The following USP31 variants were observed in gnomAD, a reference collection of about 807,000 sequenced individuals.
The protein encoded by USP31 is ubiquitin specific peptidase 31, also known as ubiquitin carboxyl-terminal hydrolase 31.
Under a neutral mutation model 119.4 loss-of-function variants are expected in USP31, and 44 were observed. The ratio of observed to expected loss-of-function variants is 0.37; its 90% confidence interval spans 0.29 to 0.47. The LOEUF is 0.47. Ranked by LOEUF, USP31 falls within the 20% of genes least tolerant of loss-of-function variation. The probability of loss-of-function intolerance (pLI) is 0.99; values close to 1 mark genes in which losing one functional copy is unlikely to be tolerated. For synonymous variants in USP31, 749 were observed against 705.6 expected (o/e 1.06, Z -0.97); for missense variants, 1,643 against 1,730.2 (o/e 0.95, Z 0.89).
rs547334172 is a variant in USP31, at chr16:23,062,561, G to C, written c.*5485C>G. 6.6e-6 allele frequency: 1 copy of C among 152,538 alleles called. No individual in the cohort carries two copies. Among genetic ancestry groups the C allele is most frequent in the Non-Finnish European group, 1.5e-5 (1 of 68,002 alleles). 9.4% of individuals were successfully genotyped at this position (152,538 alleles called of 1,614,324 possible). On this transcript the variant is annotated 3_prime_UTR_variant, in exon 16 of 16. Coordinates refer to ENST00000219689, the MANE Select transcript of USP31 (RefSeq NM_020718.4). ...AAGGCAATAATTCTATCAAAAGCAGGGACAGGCTTTCCAAGGCTAGGAAGG... is the reference window on the plus strand; with the variant it reads ...AAGGCAATAATTCTATCAAAAGCAGCGACAGGCTTTCCAAGGCTAGGAAGG...
chr16:23,090,528 TA>T lies in USP31; in HGVS notation c.1415+95del, dbSNP rs564374001. On this transcript the variant is annotated intron_variant, in intron 7 of 15. Transcript: ENST00000219689. ...AATATCAGAATCAAAAATTAACTACTAAAAGTAAGAACTTTTTGCCCATGCT... is the reference window on the plus strand; with the variant it reads ...AATATCAGAATCAAAAATTAACTACTAAAGTAAGAACTTTTTGCCCATGCT... 6.4e-4 allele frequency: 822 copies of T among 1,274,594 alleles called. 4 individuals are homozygous for T. The Middle Eastern group carries it at 7.6e-3, about 12-fold the overall frequency. The allele number at this position is 1,274,594 out of a possible 1,614,324, so 79.0% of individuals were successfully genotyped here. A position where few individuals can be genotyped will look rare whatever the true frequency, so the allele number is the denominator to read the frequency against.
In USP31 at chr16:23,149,408, G is replaced by A. The variant is rs1903656739; in HGVS notation, c.-138C>T. On this transcript the variant is annotated 5_prime_UTR_variant, in exon 1 of 16. Coordinates refer to ENST00000219689, the MANE Select transcript of USP31 (RefSeq NM_020718.4). ...CCCACACACCTCAAAGCGCAGCCGA[G>A]CCAGCGAGCGAGCGGCGGCCGGCGG... 1.0e-6 allele frequency: 1 copy of A among 962,640 alleles called. No individual in the cohort carries two copies. The highest frequency in any genetic ancestry group is 1.2e-6 in the Non-Finnish European group (1 of 810,778). The allele number at this position is 962,640 out of a possible 1,614,324, so 59.6% of individuals were successfully genotyped here.
chr16:23,106,652 G>C (rs1285987485), intron 2 of USP31, among the ~76,000 whole-genome samples, 165 bp from the exon 3 acceptor site: 2 of 152,180 alleles, frequency 1.3e-5, no homozygotes, highest in African/African-American at 4.8e-5. Context: ...CACAGCAGTA[G>C]GATGTGGGTC....
In USP31 at chr16:23,072,133, G is replaced by A. The variant is rs369247760; in HGVS notation, c.2400C>T (p.Ser800=). The A allele has an allele frequency of 4.3e-6, 7 of 1,612,550 alleles. No homozygotes were observed. Among genetic ancestry groups the A allele is most frequent in the Admixed American group, 1.7e-5 (1 of 60,004 alleles). The change falls in exon 15 of 16, where the codon AGC becomes AGT. Residue 800 remains serine, a synonymous_variant. Transcript: ENST00000219689. The part of the protein sequence containing the change: ...VSRLPGSKPA[S]VTSAASSRRT... ...GTCTGGAGGAAGCTGCAGAGGTCACGCTGGCTGGCTTGCTGCCCGGGAGCC... is the reference window on the plus strand; with the variant it reads ...GTCTGGAGGAAGCTGCAGAGGTCACACTGGCTGGCTTGCTGCCCGGGAGCC...
At chr16:23,099,302 TAAA>T (rs1218820283) in intron 6 of USP31, among the ~76,000 whole-genome samples, 5 of 152,108 alleles carry the variant, frequency 3.3e-5, no homozygotes, top group Non-Finnish European at 5.9e-5. Flanking sequence ...TGGCAATCAT[TAAA>T]AAGTCAGGAA....
chr16:23,138,512 T>C (rs1903259348), intron 1 of USP31, among the ~76,000 whole-genome samples: 1 of 152,256 alleles, frequency 6.6e-6, no homozygotes. Context: ...AAGACAATCA[T>C]ACCACAAGCT....
intron 1 of USP31, among the ~76,000 whole-genome samples, chr16:23,111,433 T>C (rs1469982260): frequency 1.3e-5 from 2 of 151,960 alleles, no homozygotes; most frequent in Non-Finnish European, 2.9e-5. Flanking sequence ...AGACAGAAAA[T>C]AAAAAAGGAG....
At chr16:23,097,398 T>C (rs1424990954) in intron 6 of USP31, among the ~76,000 whole-genome samples, 1 of 150,306 alleles carries the variant, frequency 6.7e-6, no homozygotes, top group African/African-American at 2.4e-5. Context: ...CACAGCCAAA[T>C]TCTAGGAGCT....
intron 1 of USP31, among the ~76,000 whole-genome samples, chr16:23,110,525 T>G (rs1261577699): frequency 6.6e-6 from 1 of 151,468 alleles, no homozygotes; most frequent in Non-Finnish European, 1.5e-5. Flanking sequence ...TTAGGCAGAG[T>G]AGGAGGAGAT....
chr16:23,087,158 C>T lies in USP31; in HGVS notation c.1556G>A (p.Ser519Asn), dbSNP rs139649984. The T allele has an allele frequency of 6.2e-7, 1 of 1,613,818 alleles. No homozygotes were observed. Among genetic ancestry groups the T allele is most frequent in the Non-Finnish European group, 8.5e-7 (1 of 1,179,886 alleles). ...CAGCAAATATGTTATTCCAACAACA[C>T]TGACCACACGCAAGCTGAATGGACA... ...QVCPFSLRVVSVVGITYLLPQ... is the reference protein window; with the variant it reads ...QVCPFSLRVVNVVGITYLLPQ... The change falls in exon 9 of 16, where the codon AGT becomes AAT. Residue 519 changes from serine to asparagine, a missense_variant. Transcript: ENST00000219689.
chr16:23,082,606 G>C (rs1409137145), intron 11 of USP31, 49 bp from the exon 12 acceptor site: 2 of 1,610,972 alleles, frequency 1.2e-6, no homozygotes, highest in East Asian at 4.5e-5. Context: ...ATGCAAGACT[G>C]TGTTACAGCT....
rs149897851 is a variant in USP31, at chr16:23,093,399, A to G, written c.1235-2595T>C. ...TTGAATAGACATTTCTCCAAAGAGA[A>G]TATATAAATGGCCAAACAAGCACAT... is the stretch of plus-strand genomic sequence containing the variant. On this transcript the variant is annotated intron_variant, in intron 6 of 15. Transcript: ENST00000219689. Among the ~76,000 whole-genome samples, 22 of 152,346 alleles carry G rather than the reference A, an allele frequency of 1.4e-4. 1 individual carries two copies. The East Asian group carries it at 4.1e-3, about 28-fold the overall frequency.
intron 1 of USP31, among the ~76,000 whole-genome samples, chr16:23,130,420 C>CA (rs2141895392): frequency 6.8e-6 from 1 of 147,818 alleles, no homozygotes; most frequent in South Asian, 2.2e-4. Context: ...ACCCCCCCCC[C>CA]AACTAATATT....
At chr16:23,093,205 C>T (rs141143991) in intron 6 of USP31, among the ~76,000 whole-genome samples, 4 of 152,068 alleles carry the variant, frequency 2.6e-5, no homozygotes, top group East Asian at 1.9e-4. Flanking sequence ...AACTTTTGTA[C>T]GTCAAAGAAC....
rs34408168 is a variant in USP31 at position 23,062,381 on chromosome 16, TAA to T, written c.*5663_*5664del. ...AATAGCAATAAGGGTTTTTTTTTTT[TAA>T]AAAAAAGACACCAAAGAAAATGTTT... is the stretch of plus-strand genomic sequence containing the variant. On this transcript the variant is annotated 3_prime_UTR_variant, in exon 16 of 16. Coordinates refer to ENST00000219689, the MANE Select transcript of USP31 (RefSeq NM_020718.4). 0.13 allele frequency: 18,346 copies of T among 143,972 alleles called. 1,220 individuals are homozygous for T. Among genetic ancestry groups the T allele is most frequent in the Middle Eastern group, 0.14 (40 of 276 alleles). 8.9% of individuals were successfully genotyped at this position (143,972 alleles called of 1,614,324 possible).
At chr16:23,098,747 G>T (rs1054544728) in intron 6 of USP31, among the ~76,000 whole-genome samples, 18 of 152,184 alleles carry the variant, frequency 1.2e-4, no homozygotes, top group African/African-American at 4.1e-4. Context: ...AATAAATGGT[G>T]CTGGGAAAAC....
Position 23,087,126 on chromosome 16 carries a change from C to G in USP31, c.1588G>C (p.Glu530Gln), listed in dbSNP as rs1396231038. The change falls in exon 9 of 16, where the codon GAG becomes CAG. Residue 530 changes from glutamate (E) to glutamine (Q), a missense_variant. Physicochemically the swap from Glu to Gln is conservative, Grantham distance 29. Transcript: ENST00000219689. ...ATTGGGTGGCACAAGGGCTGCTCCT[C>G]CTGGGGCAGCAAATATGTTATTCCA... ...VVGITYLLPQ[E>Q]EQPLCHPIVE... The G allele has an allele frequency of 6.2e-7, 1 of 1,613,768 alleles. No homozygotes were observed. The highest frequency in any genetic ancestry group is 1.1e-5 in the South Asian group (1 of 91,006).
At chr16:23,088,006 A>G (rs1901185620) in intron 7 of USP31, among the ~76,000 whole-genome samples, 171 bp from the exon 8 acceptor site, 1 of 152,250 alleles carries the variant, frequency 6.6e-6, no homozygotes, top group African/African-American at 2.4e-5. Flanking sequence ...GGAGATGAAC[A>G]GCTTGGATTT....
In USP31 at chr16:23,072,201, C is replaced by A; in HGVS notation, c.2336-4G>T. The A allele has an allele frequency of 6.2e-7, 1 of 1,604,422 alleles. No homozygotes were observed. On this transcript the variant is annotated splice_region_variant and splice_polypyrimidine_tract_variant and intron_variant, in intron 14 of 15. Coordinates refer to ENST00000219689, the MANE Select transcript of USP31 (RefSeq NM_020718.4). ...CACAGGGAAGAACTTGTGGAGCCTG[C>A]AGAGAAGAAAACAGGCATAGAGGTC...
Sources: allele counts gnomAD v4.1 joint callset (sites outside exome capture counted in the v4.1 genomes callset), GRCh38; gene constraint gnomAD v4.1.1; transcripts MANE v1.5; gene names NCBI Gene and HGNC (gene_info 2026-07-23, HGNC 2026-07-21).